Variants in ARB2A observed in about 807,000 individuals in gnomAD.
The protein encoded by ARB2A is cotranscriptional regulator ARB2A.
At chr5:93,910,283 T>C in the ARB2A span, among the ~76,000 whole-genome samples, 2 of 151,074 alleles carry the variant, frequency 1.3e-5, no homozygotes, top group African/African-American at 2.4e-5. Context: ...ATTATATAAC[T>C]ATATGATCTT....
the ARB2A span, among the ~76,000 whole-genome samples, chr5:94,010,209 T>C: frequency 6.6e-6 from 1 of 152,136 alleles, no homozygotes; most frequent in East Asian, 1.9e-4. Context: ...GCAAGCATTG[T>C]TTTAGTTGCA....
At chr5:93,721,973 C>T in the ARB2A span, among the ~76,000 whole-genome samples, 2 of 152,140 alleles carry the variant, frequency 1.3e-5, no homozygotes, top group Admixed American at 1.3e-4. Flanking sequence ...ACCAGCACTA[C>T]TAAAATACCT....
the ARB2A span, among the ~76,000 whole-genome samples, chr5:93,662,702 C>T: frequency 0.042 from 6,413 of 152,240 alleles, 421 homozygotes; most frequent in African/African-American, 0.15. Flanking sequence ...TACTGTCCCT[C>T]CCTCGCTCCA....
At chr5:93,918,430 CTTT>C in the ARB2A span, among the ~76,000 whole-genome samples, 7 of 107,336 alleles carry the variant, frequency 6.5e-5, no homozygotes, top group Admixed American at 2.1e-4. Context: ...TTCCAAATTT[CTTT>C]TTTTTTTTTT....
At chr5:94,073,000 A>G in the ARB2A span, among the ~76,000 whole-genome samples, 63 of 152,090 alleles carry the variant, frequency 4.1e-4, no homozygotes, top group African/African-American at 1.4e-3. Flanking sequence ...TTTTTCTACC[A>G]TCTATGCCTT....
At chr5:94,095,235 A>G in the ARB2A span, among the ~76,000 whole-genome samples, 2 of 152,214 alleles carry the variant, frequency 1.3e-5, no homozygotes, top group Non-Finnish European at 2.9e-5. Flanking sequence ...AGACTGTAAT[A>G]GACACAGCCA....
At chr5:93,715,098 T>A in the ARB2A span, among the ~76,000 whole-genome samples, 1 of 152,182 alleles carries the variant, frequency 6.6e-6, no homozygotes, top group African/African-American at 2.4e-5. Context: ...ACAAGAGGAT[T>A]GTACTCTACT....
At chr5:94,101,876 G>A in the ARB2A span, among the ~76,000 whole-genome samples, 2 of 151,564 alleles carry the variant, frequency 1.3e-5, no homozygotes, top group Non-Finnish European at 2.9e-5. Flanking sequence ...GTAGTAATAT[G>A]TACAACAAAC....
At chr5:93,755,721 G>C in the ARB2A span, among the ~76,000 whole-genome samples, 1 of 152,194 alleles carries the variant, frequency 6.6e-6, no homozygotes. Flanking sequence ...CAGCAGAAAC[G>C]CGCTGGGAGC....
At chr5:93,929,772 C>T in the ARB2A span, among the ~76,000 whole-genome samples, 23 of 152,188 alleles carry the variant, frequency 1.5e-4, no homozygotes, top group African/African-American at 5.3e-4. Flanking sequence ...TTATCAACTA[C>T]ATAAATTCAA....
the ARB2A span, among the ~76,000 whole-genome samples, chr5:94,051,708 T>C: frequency 6.6e-6 from 1 of 152,240 alleles, no homozygotes; most frequent in Non-Finnish European, 1.5e-5. Context: ...GTTGTCCTGC[T>C]TATGTGATAT....
chr5:93,783,540 C>G, the ARB2A span, among the ~76,000 whole-genome samples: 1 of 152,064 alleles, frequency 6.6e-6, no homozygotes, highest in Non-Finnish European at 1.5e-5. Flanking sequence ...AGCTGAAGAG[C>G]CACTAGGTAT....
the ARB2A span, among the ~76,000 whole-genome samples, chr5:93,970,343 T>G: frequency 6.6e-6 from 1 of 152,220 alleles, no homozygotes; most frequent in South Asian, 2.1e-4. Flanking sequence ...GATTTAAATA[T>G]ATCTATAAAA....
the ARB2A span, among the ~76,000 whole-genome samples, chr5:93,814,735 T>TG: frequency 1.2e-4 from 18 of 152,236 alleles, no homozygotes; most frequent in South Asian, 1.9e-3. Flanking sequence ...TTGTATGGAG[T>TG]GGGTATGTTC....
the ARB2A span, chr5:93,784,082 G>A: frequency 5.1e-6 from 1 of 197,182 alleles, no homozygotes; most frequent in African/African-American, 2.3e-5. Flanking sequence ...AAGCAACAGG[G>A]AATAAGAATC....
the ARB2A span, among the ~76,000 whole-genome samples, chr5:93,898,451 C>G: frequency 6.6e-6 from 1 of 151,994 alleles, no homozygotes; most frequent in African/African-American, 2.4e-5. Flanking sequence ...ACTCTTACCC[C>G]TATTCTCTTT....
At chr5:94,048,153 C>T in the ARB2A span, among the ~76,000 whole-genome samples, 1 of 139,558 alleles carries the variant, frequency 7.2e-6, no homozygotes, top group African/African-American at 2.6e-5. Flanking sequence ...CTCCCGGGTT[C>T]AAACGATTCT....
At chr5:93,707,779 T>G in the ARB2A span, among the ~76,000 whole-genome samples, 2 of 152,164 alleles carry the variant, frequency 1.3e-5, no homozygotes, top group African/African-American at 2.4e-5. Context: ...TTTGCCATGT[T>G]GACCAGGCTG....
chr5:93,733,785 C>T, the ARB2A span: 2 of 152,100 alleles, frequency 1.3e-5, no homozygotes, highest in Non-Finnish European at 2.9e-5. Flanking sequence ...AGGACATTTC[C>T]ACTAGGTTTA....
Sources: allele counts gnomAD v4.1 joint callset (sites outside exome capture counted in the v4.1 genomes callset), GRCh38; gene constraint gnomAD v4.1.1; transcripts MANE v1.5; gene names NCBI Gene and HGNC (gene_info 2026-07-23, HGNC 2026-07-21).